ZNF442: variants seen among roughly 807,000 people sequenced by gnomAD.
ZNF442 encodes zinc finger protein 442.
Under a neutral mutation model 57.0 loss-of-function variants are expected in ZNF442, and 45 were observed. The ratio of observed to expected loss-of-function variants is 0.79; its 90% confidence interval spans 0.62 to 1.01. The LOEUF (loss-of-function observed/expected upper bound fraction) is 1.01, where lower values mean the gene tolerates loss of function less well. ZNF442 is among the 50% of genes least tolerant of loss of function. ZNF442 has a pLI of 0.00. For synonymous variants in ZNF442, 213 were observed against 241.8 expected, an observed-to-expected ratio of 0.88 and a Z score of 1.10; for missense variants, 690 against 756.5, an observed-to-expected ratio of 0.91 and a Z score of 1.03.
chr19:12,350,408 G>T lies in ZNF442; in HGVS notation c.1177C>A (p.Arg393=). The part of the protein sequence containing the change: ...GKALSHHSSF[R]SHMIMHTGDG... ...CCAGTGTGCATTATCATATGACTTCGAAAGCTTGAGTGATGAGATAACGCT... is the reference window on the plus strand; with the variant it reads ...CCAGTGTGCATTATCATATGACTTCTAAAGCTTGAGTGATGAGATAACGCT... Residue 393 remains arginine, a synonymous_variant, in exon 6 of 6, where the codon CGA becomes AGA. Coordinates refer to ENST00000242804, the MANE Select transcript of ZNF442 (RefSeq NM_030824.3). 5 of 1,613,328 alleles carry T rather than the reference G, an allele frequency of 3.1e-6. No individual in the cohort carries two copies. The highest frequency in any genetic ancestry group is 4.2e-6 in the Non-Finnish European group (5 of 1,179,850).
In ZNF442 at chr19:12,350,607, G is replaced by A. The variant is rs144013357; in HGVS notation, c.978C>T (p.Cys326=). ...TTCCCAGATGATGAAATGCTTTCCC[G>A]CATTGCTTGCATTCATAGGGTTTCT... The part of the protein sequence containing the change: ...TGEKPYECKQ[C]GKAFHHLGSF... The change falls in exon 6 of 6, where the codon TGC becomes TGT. Residue 326 remains cysteine, a synonymous_variant. Transcript: ENST00000242804. 2.7e-3 allele frequency: 4,333 copies of A among 1,611,010 alleles called. 100 individuals are homozygous for A. The South Asian group carries it at 0.03, about 11-fold the overall frequency.
chr19:12,352,846 T>C (rs1489345434), intron 4 of ZNF442, 142 bp downstream of exon 4: 1 of 934,084 alleles, frequency 1.1e-6, no homozygotes, highest in Admixed American at 2.8e-5. Flanking sequence ...GTACAACTGG[T>C]TGGGGACCCA....
chr19:12,363,291 G>A (rs1969470273), intron 3 of ZNF442, among the ~76,000 whole-genome samples: 1 of 151,648 alleles, frequency 6.6e-6, no homozygotes, highest in Non-Finnish European at 1.5e-5. Context: ...AAACGTTGAA[G>A]CTGAAAAGAG....
rs544070248 is a variant in ZNF442, at chr19:12,350,996, G to C, written c.589C>G (p.Arg197Gly). Residue 197 changes from arginine to glycine, a missense_variant, in exon 6 of 6, where the codon CGA (arginine) becomes GGA (glycine). By Grantham distance (125) the Arg-to-Gly change is moderately radical. Transcript: ENST00000242804. Reference protein sequence around the residue: ...GKTFSSSGNLRRHIIVQRGGG... With the variant: ...GKTFSSSGNLGRHIIVQRGGG... ...CCACGTTGTACTATTATGTGTCTTCGAAGGTTTCCCGAAGAACTGAAGGTT... is the reference window on the plus strand; with the variant it reads ...CCACGTTGTACTATTATGTGTCTTCCAAGGTTTCCCGAAGAACTGAAGGTT... The C allele has an allele frequency of 6.2e-7, 1 of 1,613,954 alleles. No homozygotes were observed. Among genetic ancestry groups the C allele is most frequent in the South Asian group, 1.1e-5 (1 of 91,074 alleles).
chr19:12,368,344 T>C (rs1039033362), upstream of ZNF442, among the ~76,000 whole-genome samples: 12 of 152,220 alleles, frequency 7.9e-5, no homozygotes, highest in African/African-American at 2.4e-4. Flanking sequence ...TAAATGTCCA[T>C]GAAATCTTCA....
chr19:12,347,629 T>C lies in ZNF442; in HGVS notation c.*2072A>G, dbSNP rs1271602772. ...GAAAATGTCAGCCCCGCCCATAACTTCAACAGAGAATAACGGCCCTAACTG... is the reference window on the plus strand; with the variant it reads ...GAAAATGTCAGCCCCGCCCATAACTCCAACAGAGAATAACGGCCCTAACTG... On this transcript the variant is annotated 3_prime_UTR_variant, in exon 6 of 6. Coordinates refer to ENST00000242804, the MANE Select transcript of ZNF442 (RefSeq NM_030824.3). 1 of 152,164 alleles carries C rather than the reference T, an allele frequency of 6.6e-6. No individual in the cohort carries two copies. Among genetic ancestry groups the C allele is most frequent in the Admixed American group, 6.6e-5 (1 of 15,266 alleles). 9.4% of individuals were successfully genotyped at this position (152,164 alleles called of 1,614,324 possible).
At chr19:12,357,326 AC>A in intron 3 of ZNF442, among the ~76,000 whole-genome samples, 1 of 139,242 alleles carries the variant, frequency 7.2e-6, no homozygotes, top group East Asian at 2.0e-4. Flanking sequence ...ATTGGATCCT[AC>A]CCCCAGAATT....
chr19:12,350,870 A>G lies in ZNF442; in HGVS notation c.715T>C (p.Cys239Arg). The change falls in exon 6 of 6, where the codon TGT becomes CGT. Residue 239 changes from cysteine to arginine, a missense_variant. By Grantham distance (180) the Cys-to-Arg change is radical (BLOSUM62 -3). Coordinates refer to ENST00000242804, the MANE Select transcript of ZNF442 (RefSeq NM_030824.3). The stretch of plus-strand genomic sequence containing the variant: ...GGGAAGGCTTTACAACACTGCTTAC[A>G]TTCATACGGTTTCTCTCCAGTGTGA... ...RTHTGEKPYECKQCCKAFPIY... is the reference protein window; with the variant it reads ...RTHTGEKPYERKQCCKAFPIY... 1.9e-6 allele frequency: 3 copies of G among 1,614,158 alleles called. No homozygotes were observed. The highest frequency in any genetic ancestry group is 1.6e-4 in the Middle Eastern group (1 of 6,062).
chr19:12,361,776 G>A (rs1259077190), intron 3 of ZNF442, among the ~76,000 whole-genome samples: 6 of 150,576 alleles, frequency 4.0e-5, no homozygotes, highest in African/African-American at 1.2e-4. Flanking sequence ...CCGAGCGGAG[G>A]CTGGACTGTA....
chr19:12,350,984 T>C lies in ZNF442; in HGVS notation c.601A>G (p.Ile201Val), dbSNP rs1312882130. The C allele has an allele frequency of 6.2e-6, 10 of 1,614,036 alleles. No homozygotes were observed. Among genetic ancestry groups the C allele is most frequent in the African/African-American group, 1.3e-5 (1 of 74,928 alleles). The change falls in exon 6 of 6, where the codon ATA becomes GTA. Residue 201 changes from isoleucine (I) to valine (V), a missense_variant. Physicochemically the swap from Ile to Val is conservative, Grantham distance 29. Transcript: ENST00000242804. ...TAAGGTCCACCTCCACGTTGTACTA[T>C]TATGTGTCTTCGAAGGTTTCCCGAA... The part of the protein sequence containing the change: ...SSSGNLRRHI[I>V]VQRGGGPYIC...
In ZNF442 at chr19:12,363,538, G is replaced by C. The variant is rs1969475259; in HGVS notation, c.78+16C>G. ...GTTCTTGCACAACTGGAATGAGTGG[G>C]TTCTCCAGTGCTTACATATTGTTTT... is the stretch of plus-strand genomic sequence containing the variant. On this transcript the variant is annotated intron_variant, in intron 3 of 5. Coordinates refer to ENST00000242804, the MANE Select transcript of ZNF442 (RefSeq NM_030824.3). The C allele has an allele frequency of 6.2e-7, 1 of 1,612,232 alleles. No homozygotes were observed. The highest frequency in any genetic ancestry group is 1.1e-5 in the South Asian group (1 of 91,050).
chr19:12,371,775 A>C, the ZNF442 span, among the ~76,000 whole-genome samples: 1 of 152,202 alleles, frequency 6.6e-6, no homozygotes, highest in African/African-American at 2.4e-5. Context: ...CCCCTTCCTT[A>C]CACCATATAC....
chr19:12,349,580 A>G lies in ZNF442; in HGVS notation c.*121T>C. 1 of 1,028,068 alleles carries G rather than the reference A, an allele frequency of 9.7e-7. No homozygotes were observed. Among genetic ancestry groups the G allele is most frequent in the Non-Finnish European group, 1.4e-6 (1 of 721,518 alleles). 63.7% of individuals were successfully genotyped at this position (1,028,068 alleles called of 1,614,324 possible). A position where few individuals can be genotyped will look rare whatever the true frequency, so the allele number is the denominator to read the frequency against. Reference sequence around the variant, plus strand: ...ATCCCCTGCATATGGTTAGGGGATAACCATATTCAAAAGAAACATCTTAAG... The same window carrying G: ...ATCCCCTGCATATGGTTAGGGGATAGCCATATTCAAAAGAAACATCTTAAG... On this transcript the variant is annotated 3_prime_UTR_variant, in exon 6 of 6. Coordinates refer to ENST00000242804, the MANE Select transcript of ZNF442 (RefSeq NM_030824.3).
At chr19:12,365,360 C>A (rs1190247603) in intron 1 of ZNF442, 117 bp from the exon 2 acceptor site, 11 of 218,054 alleles carry the variant, frequency 5.0e-5, no homozygotes, top group Non-Finnish European at 1.9e-5. Flanking sequence ...GCCGGCCCAG[C>A]CCCCAGCTCC....
upstream of ZNF442, among the ~76,000 whole-genome samples, chr19:12,367,235 G>A (rs769446342): frequency 6.6e-6 from 1 of 152,188 alleles, no homozygotes; most frequent in Non-Finnish European, 1.5e-5. Flanking sequence ...GCCTCCAGGG[G>A]TGACATCACA....
At position 12,349,201 on chromosome 19, in the gene ZNF442, TA is replaced by T. The variant is rs112496719; in HGVS notation, c.*499del. 0.057 allele frequency: 7,711 copies of T among 135,302 alleles called. 545 individuals carry two copies. Among genetic ancestry groups the T allele is most frequent in the African/African-American group, 0.18 (6,640 of 37,302 alleles). 8.4% of individuals were successfully genotyped at this position (135,302 alleles called of 1,614,324 possible). A position where few individuals can be genotyped will look rare whatever the true frequency, so the allele number is the denominator to read the frequency against. On this transcript the variant is annotated 3_prime_UTR_variant, in exon 6 of 6. Transcript: ENST00000242804. ...GGGCAATAAGAGTGAAACTCTGTCT[TA>T]AAAAAAAAAAAAAGAAAAAAAGAAA...
At chr19:12,370,653 G>GA (rs1428638218), upstream of ZNF442, among the ~76,000 whole-genome samples, 1 of 150,704 alleles carries the variant, frequency 6.6e-6, no homozygotes, top group Non-Finnish European at 1.5e-5. Context: ...AACAGACTAG[G>GA]AAAAAAAAAT....
upstream of ZNF442, among the ~76,000 whole-genome samples, chr19:12,370,628 G>A (rs1203715736): frequency 6.6e-6 from 1 of 151,976 alleles, no homozygotes; most frequent in Non-Finnish European, 1.5e-5. Context: ...TAGTAAGCTA[G>A]CATACCTAAA....
intron 3 of ZNF442, among the ~76,000 whole-genome samples, chr19:12,357,031 T>C (rs1296590352): frequency 1.3e-5 from 2 of 152,194 alleles, no homozygotes; most frequent in Non-Finnish European, 2.9e-5. Context: ...CCATGAACAG[T>C]GAAATGTGTG....
Sources: gnomAD v4.1 joint callset for allele counts (sites outside exome capture counted in the v4.1 genomes callset) on GRCh38, gnomAD v4.1.1 for gene constraint, MANE v1.5 for transcripts, NCBI Gene and HGNC (gene_info 2026-07-23, HGNC 2026-07-21) for gene names.